SERPINF1: variants seen among roughly 807,000 people sequenced by gnomAD.
The protein encoded by SERPINF1 is serpin family F member 1.
Under a neutral mutation model 37.3 loss-of-function variants are expected in SERPINF1, and 29 were observed. The ratio of observed to expected loss-of-function variants is 0.78; its 90% confidence interval spans 0.58 to 1.06. The LOEUF is 1.06. Ranked by LOEUF, SERPINF1 falls within the 50% of genes least tolerant of loss-of-function variation. The pLI, the probability that SERPINF1 is intolerant of heterozygous loss-of-function variation, is 0.00. For missense variants in SERPINF1, 553 were observed against 532.2 expected (o/e 1.04, Z -0.38); for synonymous variants, 281 against 227.9 (o/e 1.23, Z -2.10).
At chr17:1,772,176 G>C (rs1907787648) in intron 5 of SERPINF1, 101 bp downstream of exon 5, 2 of 1,276,726 alleles carry the variant, frequency 1.6e-6, no homozygotes, top group South Asian at 1.3e-5. Context: ...GAGTGCAGTG[G>C]TGCGATCTCA....
intron 5 of SERPINF1, 136 bp from the exon 6 acceptor site, chr17:1,774,922 C>T (rs1348574905): frequency 9.7e-7 from 1 of 1,031,050 alleles, no homozygotes; most frequent in African/African-American, 1.6e-5. Context: ...GGCCTATTCC[C>T]TGAGGCCTCA....
Position 1,766,897 on chromosome 17 carries a change from TTGCAGGCCCCAGGA to T in SERPINF1, c.-4_10del. ...AGCGGCTTGCTGCCTCGTTCTTTTCTTGCAGGCCCCAGGATGCAGGCCCTGGTGCTACTCCTCTG... is the reference window on the plus strand; with the variant it reads ...AGCGGCTTGCTGCCTCGTTCTTTTCTTGCAGGCCCTGGTGCTACTCCTCTG... On this transcript the variant is annotated splice_acceptor_variant and splice_polypyrimidine_tract_variant and coding_sequence_variant and 5_prime_UTR_variant and intron_variant, in exon 2 of 8. Coordinates refer to ENST00000254722, the MANE Select transcript of SERPINF1 (RefSeq NM_002615.7). LOFTEE classifies it high-confidence loss of function. The T allele has an allele frequency of 1.3e-6, 2 of 1,554,364 alleles. No individual in the cohort carries two copies. The highest frequency in any genetic ancestry group is 1.7e-6 in the Non-Finnish European group (2 of 1,148,656).
intron 3 of SERPINF1, among the ~76,000 whole-genome samples, chr17:1,770,369 C>T (rs1332887170): frequency 6.6e-6 from 1 of 152,052 alleles, no homozygotes. Context: ...GATGTAACTG[C>T]AAACAAGCAG....
At chr17:1,770,403 A>T in intron 3 of SERPINF1, 4 of 398,780 alleles carry the variant, frequency 1.0e-5, no homozygotes, top group Admixed American at 8.0e-5. Flanking sequence ...CTCACCGAGG[A>T]CACAGCTGGG....
At chr17:1,766,470 C>T (rs139887847) in intron 1 of SERPINF1, 11,220 of 152,044 alleles carry the variant, frequency 0.074, 721 homozygotes, top group African/African-American at 0.17. Flanking sequence ...GCGGGAGAAT[C>T]GCTTGAACCC....
At chr17:1,775,947 GA>G (rs1908001388) in intron 6 of SERPINF1, among the ~76,000 whole-genome samples, 6 of 152,174 alleles carry the variant, frequency 3.9e-5, no homozygotes, top group Admixed American at 3.9e-4. Flanking sequence ...GGAATCTGAC[GA>G]CAGTGCCTCA....
intron 3 of SERPINF1, among the ~76,000 whole-genome samples, chr17:1,770,256 C>T (rs923375182): frequency 2.6e-5 from 4 of 152,172 alleles, no homozygotes; most frequent in Non-Finnish European, 4.4e-5. Context: ...GGGCTGGGCA[C>T]CACTGACATG....
chr17:1,765,310 T>C (rs887551065), intron 1 of SERPINF1, among the ~76,000 whole-genome samples: 1 of 150,406 alleles, frequency 6.6e-6, no homozygotes, highest in African/African-American at 2.4e-5. Flanking sequence ...GCCTGGCTAT[T>C]TTATTTTATT....
chr17:1,767,918 G>C (rs537504414), intron 2 of SERPINF1, among the ~76,000 whole-genome samples: 4 of 152,182 alleles, frequency 2.6e-5, no homozygotes, highest in Non-Finnish European at 5.9e-5. Context: ...TAAAAACTCA[G>C]TTCTGCCGGG....
At chr17:1,775,696 AC>A (rs1418625620) in intron 6 of SERPINF1, among the ~76,000 whole-genome samples, 4 of 152,060 alleles carry the variant, frequency 2.6e-5, no homozygotes, top group African/African-American at 9.7e-5. Context: ...GGCGTGTGCC[AC>A]CATGCCTGGC....
At chr17:1,774,778 T>C (rs761802821) in intron 5 of SERPINF1, among the ~76,000 whole-genome samples, 2 of 152,210 alleles carry the variant, frequency 1.3e-5, no homozygotes, top group African/African-American at 2.4e-5. Flanking sequence ...TTACTTTTCC[T>C]GCAGGCTATC....
intron 7 of SERPINF1, 65 bp from the exon 8 acceptor site, chr17:1,777,122 G>C: frequency 6.2e-7 from 1 of 1,612,614 alleles, no homozygotes; most frequent in Non-Finnish European, 8.5e-7. Flanking sequence ...GCTTGCAAAG[G>C]GATCCCTTGG....
At chr17:1,774,599 TG>T (rs1281165376) in intron 5 of SERPINF1, among the ~76,000 whole-genome samples, 1 of 152,162 alleles carries the variant, frequency 6.6e-6, no homozygotes, top group Admixed American at 6.5e-5. Context: ...CCTGAAGGGC[TG>T]GGACTACAGG....
rs2071022 is a variant in SERPINF1, at chr17:1,776,511, A to G, written c.787-21A>G. On this transcript the variant is annotated intron_variant, in intron 6 of 7. Coordinates refer to ENST00000254722, the MANE Select transcript of SERPINF1 (RefSeq NM_002615.7). ...TTTTGGGCTCTGAAGGACTAACCAC[A>G]TGCTTTCTCACTTGTCTCAGATTGC... is the stretch of plus-strand genomic sequence containing the variant. 0.72 allele frequency: 1,163,502 copies of G among 1,612,604 alleles called. 422,372 individuals carry two copies. The highest frequency in any genetic ancestry group is 0.9 in the African/African-American group (67,285 of 74,926).
At chr17:1,763,042 C>CT (rs1250967997) in intron 1 of SERPINF1, among the ~76,000 whole-genome samples, 2 of 152,200 alleles carry the variant, frequency 1.3e-5, no homozygotes, top group African/African-American at 2.4e-5. Context: ...GGAAGTGCAA[C>CT]TCCACGGCAC....
chr17:1,764,140 C>T (rs1377863892), intron 1 of SERPINF1, among the ~76,000 whole-genome samples: 3 of 152,220 alleles, frequency 2.0e-5, no homozygotes, highest in Non-Finnish European at 4.4e-5. Flanking sequence ...TGAGATCGCG[C>T]CACTGCACTT....
At position 1,771,211 on chromosome 17, in the gene SERPINF1, C is replaced by G. The variant is rs756662006; in HGVS notation, c.439+27C>G. The G allele has an allele frequency of 1.4e-5, 23 of 1,610,738 alleles. No individual in the cohort carries two copies. The South Asian group carries it at 1.9e-4, about 13-fold the overall frequency. ...TGAGTCGCCTTTGCAGCCCAAGTTG[C>G]CTGAGGCATGTGGGCTCCATGCTGC... is the stretch of plus-strand genomic sequence containing the variant. On this transcript the variant is annotated intron_variant, in intron 4 of 7. Transcript: ENST00000254722.
chr17:1,766,788 G>T, intron 1 of SERPINF1, 115 bp from the exon 2 acceptor site: 1 of 988,438 alleles, frequency 1.0e-6, no homozygotes, highest in Non-Finnish European at 1.6e-6. Context: ...AGGGGGTGGG[G>T]GAAAGTGACT....
intron 3 of SERPINF1, 56 bp from the exon 4 acceptor site, chr17:1,770,973 C>A: frequency 6.2e-7 from 1 of 1,610,012 alleles, no homozygotes; most frequent in Non-Finnish European, 8.5e-7. Flanking sequence ...TGGGAGGGGG[C>A]TTGATTTGGG....
Sources: allele counts gnomAD v4.1 joint callset (sites outside exome capture counted in the v4.1 genomes callset), GRCh38; gene constraint gnomAD v4.1.1; transcripts MANE v1.5; gene names NCBI Gene and HGNC (gene_info 2026-07-23, HGNC 2026-07-21).